The following FLVCR1 variants were observed in gnomAD, a reference collection of about 807,000 sequenced individuals.
FLVCR1 encodes the protein FLVCR choline and heme transporter 1, also known as choline/ethanolamine transporter FLVCR1.
In FLVCR1, 34 loss-of-function variants were observed where a neutral mutation model predicts 53.6. The ratio of observed to expected loss-of-function variants is 0.63; its 90% CI spans 0.48 to 0.84. The LOEUF (loss-of-function observed/expected upper bound fraction) is 0.84, where lower values mean the gene tolerates loss of function less well. Ranked by LOEUF, FLVCR1 falls within the 40% of genes least tolerant of loss-of-function variation. FLVCR1 has a pLI of 0.00. For synonymous variants in FLVCR1, 300 were observed against 286.3 expected (o/e 1.05, Z -0.48); for missense variants, 677 against 696.7 (o/e 0.97, Z 0.32).
chr1:212,895,669 AGATAT>A lies in FLVCR1; in HGVS notation c.*380_*384del, dbSNP rs1345875933. ...TAATATGGGGTGTTCAGTCCCCATA[AGATAT>A]AATAGTTCATGCAGTTTATATATTA... is the stretch of plus-strand genomic sequence containing the variant. On this transcript the variant is annotated 3_prime_UTR_variant, in exon 10 of 10. Transcript: ENST00000366971. 1 of 290,448 alleles carries A rather than the reference AGATAT, an allele frequency of 3.4e-6. No homozygotes were observed. The highest frequency in any genetic ancestry group is 6.6e-6 in the Non-Finnish European group (1 of 151,072). 18.0% of individuals were successfully genotyped at this position (290,448 alleles called of 1,614,324 possible). A position where few individuals can be genotyped will look rare whatever the true frequency, so the allele number is the denominator to read the frequency against.
At chr1:212,867,198 C>T (rs932634397) in intron 2 of FLVCR1, among the ~76,000 whole-genome samples, 1 of 152,214 alleles carries the variant, frequency 6.6e-6, no homozygotes, top group African/African-American at 2.4e-5. Flanking sequence ...AACTGTTCCT[C>T]TCCCTCATGG....
At chr1:212,859,352 G>T (rs755907851) in intron 1 of FLVCR1, among the ~76,000 whole-genome samples, 162 bp downstream of exon 1, 1 of 152,170 alleles carries the variant, frequency 6.6e-6, no homozygotes, top group Non-Finnish European at 1.5e-5. Flanking sequence ...GATTGAAGTG[G>T]GCTATAAATT....
intron 3 of FLVCR1, among the ~76,000 whole-genome samples, chr1:212,881,916 C>T (rs1396688726): frequency 1.3e-5 from 2 of 152,138 alleles, no homozygotes; most frequent in Non-Finnish European, 2.9e-5. Context: ...GTGTATTGTT[C>T]TTATGTGATA....
intron 3 of FLVCR1, among the ~76,000 whole-genome samples, chr1:212,875,045 A>G (rs540614482): frequency 9.9e-5 from 15 of 152,158 alleles, no homozygotes; most frequent in South Asian, 2.1e-4. Context: ...AAGCAATCCT[A>G]TAAGAGCTGG....
Position 212,885,309 on chromosome 1 carries a change from C to G in FLVCR1, c.1109C>G (p.Ala370Gly), listed in dbSNP as rs1249305535. 6.2e-7 allele frequency: 1 copy of G among 1,613,820 alleles called. No homozygotes were observed. Among genetic ancestry groups the G allele is most frequent in the Non-Finnish European group, 8.5e-7 (1 of 1,179,830 alleles). ...LTYYEGEEVN[A>G]GRIGLTLVVA... ...TTTTTTCAGGGAGAAGAAGTCAATG[C>G]TGGAAGGATTGGGCTAACGCTAGTA... is the stretch of plus-strand genomic sequence containing the variant. The change falls in exon 5 of 10, where the codon GCT becomes GGT. Residue 370 changes from alanine to glycine, a missense_variant. Coordinates refer to ENST00000366971, the MANE Select transcript of FLVCR1 (RefSeq NM_014053.4).
At position 212,889,268 on chromosome 1, in the gene FLVCR1, G is replaced by T. The variant is rs187003080; in HGVS notation, c.1525+11G>T. The stretch of plus-strand genomic sequence containing the variant: ...GCATCATATTAACAGGTAAATTAGG[G>T]CGTTTGCCTGGCAAAAGGACTTGTG... On this transcript the variant is annotated intron_variant, in intron 8 of 9. Transcript: ENST00000366971. 12 of 1,530,290 alleles carry T rather than the reference G, an allele frequency of 7.8e-6. No individual in the cohort carries two copies. Among genetic ancestry groups the T allele is most frequent in the Non-Finnish European group, 1.1e-5 (12 of 1,103,950 alleles). The allele number at this position is 1,530,290 out of a possible 1,614,324, so 94.8% of individuals were successfully genotyped here.
In FLVCR1 at chr1:212,888,491, T is replaced by C; in HGVS notation, c.1310T>C (p.Phe437Ser). 2 of 1,608,988 alleles carry C rather than the reference T, an allele frequency of 1.2e-6. No individual in the cohort carries two copies. Among genetic ancestry groups the C allele is most frequent in the Non-Finnish European group, 8.5e-7 (1 of 1,175,486 alleles). The stretch of plus-strand genomic sequence containing the variant: ...TAATTCTGGATTTATTTTCCTAGCT[T>C]CTTCATGACTGGTTACCTCCCTTTG... ...IVFVTGGVLG[F>S]FMTGYLPLGF... The change falls in exon 7 of 10, where the codon TTC (phenylalanine) becomes TCC (serine). Residue 437 changes from phenylalanine to serine, a missense_variant and splice_region_variant. Coordinates refer to ENST00000366971, the MANE Select transcript of FLVCR1 (RefSeq NM_014053.4).
In FLVCR1 at chr1:212,883,383, G is replaced by T. The variant is rs767302510; in HGVS notation, c.1037G>T (p.Gly346Val). Reference sequence around the variant, plus strand: ...TTTATTATTGTAGGTATCATGACTGGTGCCTTTTATTCAGTCTCAACGTTA... The same window carrying T: ...TTTATTATTGTAGGTATCATGACTGTTGCCTTTTATTCAGTCTCAACGTTA... ...LLLITYGIMTGAFYSVSTLLN... is the reference protein window; with the variant it reads ...LLLITYGIMTVAFYSVSTLLN... The change falls in exon 4 of 10, where the codon GGT (glycine) becomes GTT (valine). Residue 346 changes from glycine (G) to valine (V), a missense_variant. Transcript: ENST00000366971. 1.9e-6 allele frequency: 3 copies of T among 1,546,454 alleles called. No individual in the cohort carries two copies. The highest frequency in any genetic ancestry group is 1.8e-6 in the Non-Finnish European group (2 of 1,120,676).
chr1:212,861,035 A>C (rs953095610), intron 1 of FLVCR1, among the ~76,000 whole-genome samples: 14 of 152,150 alleles, frequency 9.2e-5, no homozygotes, highest in African/African-American at 2.7e-4. Flanking sequence ...ACAATGTGCA[A>C]ATCTGTTCCG....
chr1:212,868,518 ATTCTGCTCAGC>A (rs1427439899), intron 2 of FLVCR1, among the ~76,000 whole-genome samples: 2 of 152,158 alleles, frequency 1.3e-5, no homozygotes, highest in Admixed American at 1.3e-4. Context: ...GATTCAAGCC[ATTCTGCTCAGC>A]CTCCCGAGTA....
intron 5 of FLVCR1, among the ~76,000 whole-genome samples, chr1:212,885,737 G>A (rs1334920786): frequency 6.6e-6 from 1 of 151,668 alleles, no homozygotes; most frequent in Non-Finnish European, 1.5e-5. Context: ...ATTTTTAGTA[G>A]AGACGGGGTT....
At chr1:212,862,111 T>G (rs972158055) in intron 1 of FLVCR1, among the ~76,000 whole-genome samples, 1 of 152,160 alleles carries the variant, frequency 6.6e-6, no homozygotes, top group African/African-American at 2.4e-5. Flanking sequence ...CCATTGAACC[T>G]CCTAATAGTT....
chr1:212,860,135 GGT>G (rs71679699), intron 1 of FLVCR1, among the ~76,000 whole-genome samples: 70,087 of 151,632 alleles, frequency 0.46, 17,412 homozygotes, highest in Non-Finnish European at 0.55. Flanking sequence ...AGTGGGGCAT[GGT>G]GTGGTGCATG....
intron 8 of FLVCR1, among the ~76,000 whole-genome samples, chr1:212,894,354 C>T (rs1177650040): frequency 2.0e-5 from 3 of 151,786 alleles, no homozygotes; most frequent in Admixed American, 2.0e-4. Context: ...GGAGTTTCAC[C>T]GTGTTGGCCG....
At chr1:212,886,782 A>T (rs1665076430) in intron 5 of FLVCR1, among the ~76,000 whole-genome samples, 1 of 152,116 alleles carries the variant, frequency 6.6e-6, no homozygotes, top group Non-Finnish European at 1.5e-5. Flanking sequence ...AGCCTGGGTG[A>T]CAGAGCAAGA....
chr1:212,880,591 A>G (rs1222818968), intron 3 of FLVCR1, among the ~76,000 whole-genome samples: 1 of 152,166 alleles, frequency 6.6e-6, no homozygotes, highest in Admixed American at 6.5e-5. Flanking sequence ...TGAGGTCAGG[A>G]ATTCAAGACC....
At chr1:212,859,320 C>A in intron 1 of FLVCR1, 130 bp downstream of exon 1, 1 of 1,381,400 alleles carries the variant, frequency 7.2e-7, no homozygotes, top group Non-Finnish European at 1.0e-6. Flanking sequence ...GAGATGAAGC[C>A]GTTGAATAGG....
intron 3 of FLVCR1, among the ~76,000 whole-genome samples, chr1:212,877,691 T>TG (rs1465351630): frequency 6.6e-6 from 1 of 150,724 alleles, no homozygotes; most frequent in Non-Finnish European, 1.5e-5. Context: ...TGATAGTTTT[T>TG]TTTTTTTTTT....
chr1:212,858,490 C>CG lies in FLVCR1; in HGVS notation c.39dup (p.Pro14AlafsTer76). ...GACGATGAGGAGGGGGCGGCGGTGG[C>CG]GCCCGGACACCCGCTCGCGAAAGGA... On this transcript the variant is annotated frameshift_variant, in exon 1 of 10. Coordinates refer to ENST00000366971, the MANE Select transcript of FLVCR1 (RefSeq NM_014053.4). LOFTEE classifies it high-confidence loss of function. 6.9e-7 allele frequency: 1 copy of CG among 1,444,864 alleles called. No homozygotes were observed. Among genetic ancestry groups the CG allele is most frequent in the Non-Finnish European group, 9.1e-7 (1 of 1,103,408 alleles). The allele number at this position is 1,444,864 out of a possible 1,614,324, so 89.5% of individuals were successfully genotyped here.
Sources: allele counts gnomAD v4.1 joint callset (sites outside exome capture counted in the v4.1 genomes callset), GRCh38; gene constraint gnomAD v4.1.1; transcripts MANE v1.5; gene names NCBI Gene and HGNC (gene_info 2026-07-23, HGNC 2026-07-21).